SUPT3H: variants seen among roughly 807,000 people sequenced by gnomAD.
SUPT3H encodes transcription initiation protein SPT3 homolog.
A neutral mutation model predicts 44.3 loss-of-function variants in SUPT3H; 44 were observed. The ratio of observed to expected loss-of-function variants is 0.99; its 90% CI spans 0.78 to 1.28. SUPT3H has a LOEUF of 1.28. Among genes scored for constraint, SUPT3H ranks in the 50% most tolerant of loss-of-function variants. The pLI is 0.00. For synonymous variants in SUPT3H, 124 were observed against 125.6 expected, an observed-to-expected ratio of 0.99 and a Z score of 0.09; for missense variants, 380 against 387.1, an observed-to-expected ratio of 0.98 and a Z score of 0.15.
chr6:45,306,412 G>A (rs1036067291), intron 2 of SUPT3H, among the ~76,000 whole-genome samples: 5 of 152,030 alleles, frequency 3.3e-5, no homozygotes, highest in Non-Finnish European at 7.4e-5. Flanking sequence ...TCCAATCTTG[G>A]TCTAAAATCA....
intron 10 of SUPT3H, among the ~76,000 whole-genome samples, chr6:44,836,929 T>A (rs1770020022): frequency 6.6e-6 from 1 of 152,240 alleles, no homozygotes; most frequent in Admixed American, 6.5e-5. Context: ...CTTCAGCTAC[T>A]TTTATATTAA....
intron 6 of SUPT3H, among the ~76,000 whole-genome samples, chr6:44,983,556 G>A (rs1316330989): frequency 2.0e-5 from 3 of 152,144 alleles, no homozygotes; most frequent in Non-Finnish European, 2.9e-5. Flanking sequence ...GGCTTGGTAT[G>A]CTTATGACAC....
chr6:44,912,947 T>C (rs1275347027), intron 10 of SUPT3H, among the ~76,000 whole-genome samples: 1 of 152,184 alleles, frequency 6.6e-6, no homozygotes, highest in Non-Finnish European at 1.5e-5. Flanking sequence ...AAAATTATTG[T>C]CGATTCATTG....
At chr6:45,083,898 T>A (rs977364519) in intron 3 of SUPT3H, among the ~76,000 whole-genome samples, 2 of 152,146 alleles carry the variant, frequency 1.3e-5, no homozygotes, top group African/African-American at 4.8e-5. Context: ...CTATAGACCT[T>A]CATTGGATAC....
rs1476651077 is a variant in SUPT3H at position 45,246,538 on chromosome 6, T to A, written c.101+118663A>T. 2.0e-5 allele frequency among the ~76,000 whole-genome samples: 3 copies of A among 152,284 alleles called. No individual in the cohort carries two copies. In the East Asian group the frequency reaches 5.8e-4, roughly 29 times the overall value. Reference sequence around the variant, plus strand: ...TCTCCAAATTATGAAAAGCATTTGCTCTTAAGAATCAATATTTAACTCCTA... The same window carrying A: ...TCTCCAAATTATGAAAAGCATTTGCACTTAAGAATCAATATTTAACTCCTA... On this transcript the variant is annotated intron_variant, in intron 2 of 10. Transcript: ENST00000371459.
chr6:44,883,512 A>G (rs541545286), intron 10 of SUPT3H, among the ~76,000 whole-genome samples: 18 of 152,304 alleles, frequency 1.2e-4, no homozygotes, highest in Admixed American at 6.5e-4. Flanking sequence ...TTCTTCATAC[A>G]ATTAGATAAA....
At chr6:45,238,948 A>G (rs1769756662) in intron 2 of SUPT3H, among the ~76,000 whole-genome samples, 1 of 152,234 alleles carries the variant, frequency 6.6e-6, no homozygotes, top group Non-Finnish European at 1.5e-5. Context: ...TCTCCCTAAA[A>G]TAACTAAATT....
chr6:45,127,598 T>C (rs967529593), intron 2 of SUPT3H, among the ~76,000 whole-genome samples: 1 of 152,182 alleles, frequency 6.6e-6, no homozygotes, highest in African/African-American at 2.4e-5. Flanking sequence ...CACACACTCA[T>C]AATTTATGTT....
At chr6:45,220,924 G>A (rs769778949) in intron 2 of SUPT3H, among the ~76,000 whole-genome samples, 19 of 152,166 alleles carry the variant, frequency 1.2e-4, no homozygotes, top group Non-Finnish European at 2.1e-4. Context: ...ACATGCACAC[G>A]TATGTTTACT....
chr6:45,079,893 A>C (rs1474533474), intron 3 of SUPT3H, among the ~76,000 whole-genome samples: 1 of 152,252 alleles, frequency 6.6e-6, no homozygotes, highest in Non-Finnish European at 1.5e-5. Flanking sequence ...GACTGGACAA[A>C]GATTTCTTGA....
intron 2 of SUPT3H, among the ~76,000 whole-genome samples, chr6:45,261,470 G>GA (rs150662256): frequency 2.3e-4 from 33 of 146,058 alleles, no homozygotes; most frequent in South Asian, 6.5e-4. Context: ...AACAAAATCA[G>GA]AAAAAAAAAA....
intron 2 of SUPT3H, among the ~76,000 whole-genome samples, chr6:45,286,330 T>A (rs1421875586): frequency 6.6e-6 from 1 of 151,908 alleles, no homozygotes; most frequent in Non-Finnish European, 1.5e-5. Context: ...TGGGAAAAAA[T>A]TTTTGCAATC....
At chr6:44,893,609 T>C (rs1218910194) in intron 10 of SUPT3H, among the ~76,000 whole-genome samples, 2 of 152,140 alleles carry the variant, frequency 1.3e-5, no homozygotes, top group Non-Finnish European at 2.9e-5. Flanking sequence ...ATTTTCTTAA[T>C]CCAGTCTATC....
chr6:45,362,060 C>T (rs1794357924), intron 2 of SUPT3H, among the ~76,000 whole-genome samples: 1 of 152,044 alleles, frequency 6.6e-6, no homozygotes, highest in African/African-American at 2.4e-5. Context: ...TCAAAAACAA[C>T]AACAACAACA....
chr6:44,956,469 T>C (rs1775196200), intron 7 of SUPT3H, among the ~76,000 whole-genome samples: 1 of 41,622 alleles, frequency 2.4e-5, no homozygotes, highest in African/African-American at 1.2e-4. Context: ...CGAAACTGTC[T>C]CAAAAAAAAA....
chr6:45,168,396 C>T (rs1383837970), intron 2 of SUPT3H, among the ~76,000 whole-genome samples: 1 of 152,110 alleles, frequency 6.6e-6, no homozygotes, highest in Non-Finnish European at 1.5e-5. Flanking sequence ...CCAAAATGGT[C>T]CAATGAGCAT....
intron 2 of SUPT3H, among the ~76,000 whole-genome samples, chr6:45,335,971 A>T (rs1008756318): frequency 2.0e-5 from 3 of 151,276 alleles, no homozygotes; most frequent in Non-Finnish European, 3.0e-5. Context: ...ACTACTTACA[A>T]AGACAATGTG....
chr6:45,348,600 G>A (rs554433355), intron 2 of SUPT3H, among the ~76,000 whole-genome samples: 26 of 151,208 alleles, frequency 1.7e-4, no homozygotes, highest in Admixed American at 5.3e-4. Flanking sequence ...ACTTGAATCC[G>A]GGAGGTGGAG....
chr6:45,352,002 T>G (rs572466236), intron 2 of SUPT3H, among the ~76,000 whole-genome samples: 126 of 152,246 alleles, frequency 8.3e-4, no homozygotes, highest in Non-Finnish European at 1.5e-3. Flanking sequence ...TTTACCACTC[T>G]CTTCAAACTC....
Sources: gnomAD v4.1 joint callset for allele counts (sites outside exome capture counted in the v4.1 genomes callset) on GRCh38, gnomAD v4.1.1 for gene constraint, MANE v1.5 for transcripts, NCBI Gene and HGNC (gene_info 2026-07-23, HGNC 2026-07-21) for gene names.